Variants in UFL1 observed in about 807,000 individuals in gnomAD.
The protein encoded by UFL1 is UFM1 specific ligase 1.
A neutral mutation model predicts 99.3 loss-of-function variants in UFL1; 78 were observed. The observed-to-expected ratio is 0.79, with a 90% CI of 0.65 to 0.95. The LOEUF is 0.95. Ranked by LOEUF, UFL1 falls within the 40% of genes least tolerant of loss-of-function variation. UFL1 has a pLI of 0.00. For missense variants in UFL1, 936 were observed against 937.0 expected, an observed-to-expected ratio of 1.00 and a Z score of 0.01; for synonymous variants, 335 against 322.2, an observed-to-expected ratio of 1.04 and a Z score of -0.42.
intron 9 of UFL1, among the ~76,000 whole-genome samples, chr6:96,538,273 G>A (rs1487855304): frequency 1.3e-5 from 2 of 151,808 alleles, no homozygotes; most frequent in Non-Finnish European, 2.9e-5. Context: ...ATTTCAGATA[G>A]GAGAAAGAGT....
chr6:96,544,580 A>T (rs1296242509), intron 12 of UFL1, among the ~76,000 whole-genome samples: 1 of 151,034 alleles, frequency 6.6e-6, no homozygotes, highest in Non-Finnish European at 1.5e-5. Flanking sequence ...TCTTTAAAGT[A>T]TTCTGAGATA....
At chr6:96,551,138 T>A (rs778665472) in intron 15 of UFL1, among the ~76,000 whole-genome samples, 2 of 151,936 alleles carry the variant, frequency 1.3e-5, no homozygotes, top group Non-Finnish European at 2.9e-5. Flanking sequence ...CTCTTCCTAC[T>A]CTAATGGAAG....
rs148195078 is a variant in UFL1 at position 96,538,433 on chromosome 6, G to A, written c.979-198G>A. The stretch of plus-strand genomic sequence containing the variant: ...TTAGGCATGCAAGTGGGGAAGGTAG[G>A]CAATAGAATATATGATTTCAGAGCT... On this transcript the variant is annotated intron_variant, in intron 9 of 18. Coordinates refer to ENST00000369278, the MANE Select transcript of UFL1 (RefSeq NM_015323.5). Among the ~76,000 whole-genome samples, 173 of 151,644 alleles carry A rather than the reference G, an allele frequency of 1.1e-3. 1 individual carries two copies. Among genetic ancestry groups the A allele is most frequent in the African/African-American group, 4.0e-3 (164 of 41,438 alleles).
intron 2 of UFL1, among the ~76,000 whole-genome samples, chr6:96,523,999 GCCTA>G (rs1769664482): frequency 6.6e-6 from 1 of 151,722 alleles, no homozygotes; most frequent in Non-Finnish European, 1.5e-5. Flanking sequence ...ATATGTAGAA[GCCTA>G]CCTTTTAGTA....
At position 96,537,480 on chromosome 6, in the gene UFL1, A is replaced by G. The variant is rs779692103; in HGVS notation, c.909A>G (p.Gln303=). 19 of 1,610,412 alleles carry G rather than the reference A, an allele frequency of 1.2e-5. No individual in the cohort carries two copies. The East Asian group carries it at 3.6e-4, about 30-fold the overall frequency. Residue 303 remains glutamine, a synonymous_variant, in exon 9 of 19, where the codon CAA becomes CAG. Transcript: ENST00000369278. ...TTTTGAAAGCAGCTTGTGTTGGTCAAGGACTTGTGGATCAAGTGGAAGCAT... is the reference window on the plus strand; with the variant it reads ...TTTTGAAAGCAGCTTGTGTTGGTCAGGGACTTGTGGATCAAGTGGAAGCAT... ...LLFLKAACVG[Q]GLVDQVEASV...
At chr6:96,543,164 T>G (rs947605188) in intron 12 of UFL1, 148 bp downstream of exon 12, 1 of 834,738 alleles carries the variant, frequency 1.2e-6, no homozygotes. Flanking sequence ...TACCACACTT[T>G]AGTTAAATGT....
intron 11 of UFL1, among the ~76,000 whole-genome samples, chr6:96,541,345 T>G (rs1769928404): frequency 6.6e-6 from 1 of 151,484 alleles, no homozygotes; most frequent in African/African-American, 2.4e-5. Flanking sequence ...CATTTCTTTT[T>G]CTAATCTAAA....
intron 6 of UFL1, among the ~76,000 whole-genome samples, chr6:96,533,279 C>G (rs998544717): frequency 2.0e-5 from 3 of 151,436 alleles, no homozygotes; most frequent in Non-Finnish European, 4.4e-5. Context: ...TGAAAACATT[C>G]ATCGATACAA....
intron 12 of UFL1, among the ~76,000 whole-genome samples, chr6:96,547,753 G>T (rs992580958): frequency 6.6e-6 from 1 of 151,262 alleles, no homozygotes; most frequent in Admixed American, 6.6e-5. Flanking sequence ...ATAAATGGGA[G>T]CTAAACAATG....
At chr6:96,539,922 C>T (rs1339370446) in intron 10 of UFL1, among the ~76,000 whole-genome samples, 2 of 151,470 alleles carry the variant, frequency 1.3e-5, no homozygotes, top group East Asian at 3.9e-4. Context: ...AATAATATTA[C>T]TTTTATCATA....
chr6:96,522,978 G>GTT lies in UFL1; in HGVS notation c.78-160_78-159dup, dbSNP rs5878434. 1,866 of 494,296 alleles carry GTT rather than the reference G, an allele frequency of 3.8e-3. 1 individual carries two copies. The highest frequency in any genetic ancestry group is 5.7e-3 in the South Asian group (127 of 22,184). The allele number at this position is 494,296 out of a possible 1,614,324, so 30.6% of individuals were successfully genotyped here. ...TATGTAAACCTACTTACTCTGAAAG[G>GTT]TTTTTTTTTAACTTATTGAATCAGT... On this transcript the variant is annotated intron_variant, in intron 1 of 18. Transcript: ENST00000369278.
chr6:96,540,732 GC>G, intron 11 of UFL1, 77 bp downstream of exon 11: 1 of 1,506,772 alleles, frequency 6.6e-7, no homozygotes, highest in Non-Finnish European at 8.9e-7. Context: ...CATTTATTAT[GC>G]CCTTTGAAAG....
intron 17 of UFL1, 120 bp from the exon 18 acceptor site, chr6:96,552,362 A>C: frequency 8.6e-7 from 1 of 1,158,756 alleles, no homozygotes; most frequent in Non-Finnish European, 1.2e-6. Flanking sequence ...AAGTTACCTT[A>C]AATTTTTATG....
At chr6:96,552,027 C>G in intron 17 of UFL1, 104 bp downstream of exon 17, 1 of 719,834 alleles carries the variant, frequency 1.4e-6, no homozygotes, top group Non-Finnish European at 2.4e-6. Context: ...GAATATGTAC[C>G]TAATGTGTCT....
rs1252401268 is a variant in UFL1 at position 96,538,727 on chromosome 6, A to G, written c.1075A>G (p.Ser359Gly). 1 of 1,611,668 alleles carries G rather than the reference A, an allele frequency of 6.2e-7. No individual in the cohort carries two copies. The highest frequency in any genetic ancestry group is 1.1e-5 in the South Asian group (1 of 91,028). ...CAAACAGGCCTCAACTGTAGTCTTTAGCGACACTGTTGTAGTCAGTGAAAA... is the reference window on the plus strand; with the variant it reads ...CAAACAGGCCTCAACTGTAGTCTTTGGCGACACTGTTGTAGTCAGTGAAAA... ...FSKQASTVVF[S>G]DTVVVSEKFI... Residue 359 changes from serine to glycine, a missense_variant, in exon 10 of 19, where the codon AGC (serine) becomes GGC (glycine). Ser to Gly is a moderately conservative substitution (Grantham distance 56). Coordinates refer to ENST00000369278, the MANE Select transcript of UFL1 (RefSeq NM_015323.5).
chr6:96,534,235 GT>G (rs746248754), intron 6 of UFL1, 27 bp from the exon 7 acceptor site: 105,862 of 965,008 alleles, frequency 0.11, 1 homozygote, highest in South Asian at 0.13. Flanking sequence ...TGAGTAAGAA[GT>G]TTTTTTTTTT....
intron 4 of UFL1, 45 bp downstream of exon 4, chr6:96,525,439 C>T: frequency 6.8e-7 from 1 of 1,464,894 alleles, no homozygotes. Context: ...TGTTTATTTT[C>T]TTTCTTTTTT....
chr6:96,531,424 A>G (rs1165410616), intron 6 of UFL1, among the ~76,000 whole-genome samples: 1 of 152,110 alleles, frequency 6.6e-6, no homozygotes, highest in African/African-American at 2.4e-5. Flanking sequence ...TCTAACTCCT[A>G]TTATCCTTAA....
At chr6:96,525,470 C>A in intron 4 of UFL1, 76 bp downstream of exon 4, 2 of 1,009,856 alleles carry the variant, frequency 2.0e-6, no homozygotes, top group Non-Finnish European at 3.0e-6. Flanking sequence ...TAAATTTAGG[C>A]CAATTATGGC....
Sources: allele counts gnomAD v4.1 joint callset (sites outside exome capture counted in the v4.1 genomes callset), GRCh38; gene constraint gnomAD v4.1.1; transcripts MANE v1.5; gene names NCBI Gene and HGNC (gene_info 2026-07-23, HGNC 2026-07-21).